Variants in DEFB134 observed in about 807,000 individuals in gnomAD.
DEFB134 encodes defensin beta 134.
In DEFB134, 7 loss-of-function variants were observed where a neutral mutation model predicts 7.4. The observed-to-expected ratio is 0.95, with a 90% CI of 0.54 to 1.79. The LOEUF (loss-of-function observed/expected upper bound fraction) is 1.79. Ranked by LOEUF, DEFB134 falls within the 40% of genes most tolerant of loss-of-function variation. The probability of loss-of-function intolerance (pLI) is 0.00; values close to 1 mark genes in which losing one functional copy is unlikely to be tolerated. For synonymous variants in DEFB134, 33 were observed against 25.0 expected, an observed-to-expected ratio of 1.32 and a Z score of -0.96; for missense variants, 105 against 74.8, an observed-to-expected ratio of 1.40 and a Z score of -1.49.
At chr8:11,998,274 C>A (rs1337377699), upstream of DEFB134, among the ~76,000 whole-genome samples, 1 of 151,314 alleles carries the variant, frequency 6.6e-6, no homozygotes, top group Non-Finnish European at 1.5e-5. Context: ...CATGGTGGGA[C>A]CCTGTCTCTA....
chr8:11,996,240 G>C, exon 1 of DEFB134: 2 of 1,613,744 alleles, frequency 1.2e-6, no homozygotes, highest in Non-Finnish European at 1.7e-6. Context: ...ACACAACAAG[G>C]AGAGGCTTCA....
In DEFB134 at chr8:11,993,917, G is replaced by C. The variant is rs536299685; in HGVS notation, c.*63C>G. 5 of 1,572,268 alleles carry C rather than the reference G, an allele frequency of 3.2e-6. No individual in the cohort carries two copies. In the Admixed American group the frequency reaches 5.6e-5, roughly 18 times the overall value. On this transcript the variant is annotated 3_prime_UTR_variant, in exon 2 of 2. Transcript: ENST00000526438. ...GTCACAGTTTGATCTAAATTCCCTGGTTTTGTGAAAGATGGCAGAATCAAG... is the reference window on the plus strand; with the variant it reads ...GTCACAGTTTGATCTAAATTCCCTGCTTTTGTGAAAGATGGCAGAATCAAG...
chr8:11,996,896 T>TA (rs527643562), upstream of DEFB134, among the ~76,000 whole-genome samples: 5 of 152,208 alleles, frequency 3.3e-5, no homozygotes, highest in African/African-American at 7.2e-5. Context: ...TGTTACTATT[T>TA]AAAAAAACAT....
upstream of DEFB134, among the ~76,000 whole-genome samples, chr8:11,997,961 A>C (rs1173780664): frequency 6.6e-6 from 1 of 152,208 alleles, no homozygotes. Context: ...GATCAACCAC[A>C]TGCTTGGCCA....
upstream of DEFB134, among the ~76,000 whole-genome samples, chr8:11,997,965 T>C (rs1406600540): frequency 1.3e-5 from 2 of 152,176 alleles, no homozygotes; most frequent in East Asian, 1.9e-4. Context: ...AACCACATGC[T>C]TGGCCATAAA....
At chr8:11,999,708 T>C (rs529954958), upstream of DEFB134, among the ~76,000 whole-genome samples, 83 of 152,334 alleles carry the variant, frequency 5.4e-4, no homozygotes, top group African/African-American at 1.9e-3. Context: ...CGTCTCTTGT[T>C]ATCTAGACCT....
At chr8:11,994,224 G>A in intron 1 of DEFB134, 102 bp from the exon 3 acceptor site, 1 of 1,380,476 alleles carries the variant, frequency 7.2e-7, no homozygotes, top group Non-Finnish European at 9.7e-7. Flanking sequence ...AAGGAGATTT[G>A]GTTATGATAA....
chr8:11,999,410 G>A (rs537098795), upstream of DEFB134: 36 of 177,910 alleles, frequency 2.0e-4, no homozygotes, highest in Non-Finnish European at 4.1e-4. Context: ...AAATAATAAA[G>A]CAATATACTT....
exon 2 of DEFB134, chr8:11,993,933 C>A: frequency 6.3e-7 from 1 of 1,583,650 alleles, no homozygotes; most frequent in South Asian, 1.2e-5. Context: ...TGAAAGATGG[C>A]AGAATCAAGG....
intron 1 of DEFB134, among the ~76,000 whole-genome samples, chr8:11,995,246 C>A (rs1800086485): frequency 6.6e-6 from 1 of 152,154 alleles, no homozygotes; most frequent in Admixed American, 6.6e-5. Context: ...TGTCTGGAGG[C>A]CACAAATCCA....
chr8:11,996,814 G>A (rs185519622), upstream of DEFB134, among the ~76,000 whole-genome samples: 641 of 152,216 alleles, frequency 4.2e-3, 2 homozygotes, highest in Non-Finnish European at 5.8e-3. Flanking sequence ...CTATATATCA[G>A]TGTCACTATA....
chr8:11,996,313 A>C, upstream of DEFB134: 1 of 1,588,944 alleles, frequency 6.3e-7, no homozygotes, highest in Non-Finnish European at 8.6e-7. Context: ...CAGGGAACAG[A>C]GAGAAGAGGT....
chr8:11,996,060 C>A, intron 1 of DEFB134, 134 bp downstream of exon 2: 1 of 1,048,740 alleles, frequency 9.5e-7, no homozygotes, highest in South Asian at 1.5e-5. Flanking sequence ...GTCTTGCTGA[C>A]ATCAAAACTA....
upstream of DEFB134, chr8:11,999,498 A>T (rs1344497622): frequency 6.6e-6 from 1 of 152,498 alleles, no homozygotes; most frequent in Non-Finnish European, 1.5e-5. Flanking sequence ...AAAGTTAAAA[A>T]ACCCCAAGAC....
intron 1 of DEFB134, among the ~76,000 whole-genome samples, chr8:11,995,065 A>C (rs79152543): frequency 0.014 from 2,097 of 152,314 alleles, 47 homozygotes; most frequent in African/African-American, 0.047. Context: ...ACAAGAAGGG[A>C]TCAGTGTTAC....
upstream of DEFB134, among the ~76,000 whole-genome samples, chr8:12,000,025 T>C (rs1461274964): frequency 6.6e-6 from 1 of 152,218 alleles, no homozygotes. Flanking sequence ...CTGTGGTTGT[T>C]CTGCAACTGC....
exon 2 of DEFB134, chr8:11,993,909 A>G (rs1800044430): frequency 6.4e-7 from 1 of 1,563,716 alleles, no homozygotes; most frequent in East Asian, 2.3e-5. Context: ...TTTGATCTAA[A>G]TTCCCTGGTT....
upstream of DEFB134, among the ~76,000 whole-genome samples, chr8:11,997,271 TG>T (rs1205639467): frequency 6.6e-6 from 1 of 152,256 alleles, no homozygotes; most frequent in African/African-American, 2.4e-5. Flanking sequence ...TTTTCATTGC[TG>T]AGCACCACTG....
chr8:12,000,385 G>T (rs1032154546), upstream of DEFB134, among the ~76,000 whole-genome samples: 1 of 151,970 alleles, frequency 6.6e-6, no homozygotes, highest in Non-Finnish European at 1.5e-5. Context: ...CAGTGCCAAA[G>T]GTATATTTGT....
Sources: gnomAD v4.1 joint callset for allele counts (sites outside exome capture counted in the v4.1 genomes callset) on GRCh38, gnomAD v4.1.1 for gene constraint, MANE v1.5 for transcripts, NCBI Gene and HGNC (gene_info 2026-07-23, HGNC 2026-07-21) for gene names.